The following PCDHA9 variants were observed in gnomAD, a reference collection of about 807,000 sequenced individuals.
PCDHA9 encodes the protein protocadherin alpha-9.
In PCDHA9, 62 loss-of-function variants were observed where a neutral mutation model predicts 62.0. That is an observed-to-expected ratio of 1.00 (90% CI 0.81 to 1.23). PCDHA9 has a LOEUF of 1.23. Among genes scored for constraint, PCDHA9 ranks in the 50% most tolerant of loss-of-function variants. The pLI is 0.00. For synonymous variants in PCDHA9, 557 were observed against 567.6 expected (o/e 0.98, Z 0.27); for missense variants, 1,205 against 1,249.8 (o/e 0.96, Z 0.54).
At chr5:140,924,675 A>G (rs2081950007) in intron 1 of PCDHA9, among the ~76,000 whole-genome samples, 1 of 152,152 alleles carries the variant, frequency 6.6e-6, no homozygotes, top group Non-Finnish European at 1.5e-5. Flanking sequence ...CAGGCCAATC[A>G]CTTGAGGTCA....
At chr5:140,928,337 AT>A (rs549164954) in intron 1 of PCDHA9, 7 of 1,613,944 alleles carry the variant, frequency 4.3e-6, no homozygotes, top group Non-Finnish European at 5.9e-6. Flanking sequence ...CTTGTCTCTT[AT>A]GAGCTGTTGG....
intron 1 of PCDHA9, chr5:140,860,872 G>C (rs923006368): frequency 1.3e-5 from 2 of 152,288 alleles, no homozygotes; most frequent in African/African-American, 4.8e-5. Context: ...GGAGTAGCTG[G>C]GACTACAGGT....
chr5:140,858,489 C>A, intron 1 of PCDHA9: 1 of 1,498,912 alleles, frequency 6.7e-7, no homozygotes, highest in Non-Finnish European at 9.1e-7. Flanking sequence ...AATATTTTCT[C>A]TTACCGCATT....
Position 140,850,281 on chromosome 5 carries a change from G to A in PCDHA9, c.1786G>A (p.Ala596Thr). 6.3e-7 allele frequency: 1 copy of A among 1,595,580 alleles called. No homozygotes were observed. Residue 596 changes from alanine (A) to threonine (T), a missense_variant, in exon 1 of 4, where the codon GCA (alanine) becomes ACA (threonine). Physicochemically the swap from Ala to Thr is moderately conservative, Grantham distance 58 (BLOSUM62 0). Coordinates refer to ENST00000532602, the MANE Select transcript of PCDHA9 (RefSeq NM_031857.2). The stretch of plus-strand genomic sequence containing the variant: ...CGGCGTAGTGGTGGGGAAGGTGCGC[G>A]CAGTGGACGCCGACTCGGGCTACAA... ...GAGVVVGKVR[A>T]VDADSGYNAW...
intron 1 of PCDHA9, among the ~76,000 whole-genome samples, chr5:140,953,785 T>C (rs2094935669): frequency 6.6e-6 from 1 of 152,224 alleles, no homozygotes. Context: ...TTTATTTTTT[T>C]CTTCAACTTT....
intron 1 of PCDHA9, among the ~76,000 whole-genome samples, chr5:140,900,607 C>T (rs1340239730): frequency 6.6e-6 from 1 of 152,170 alleles, no homozygotes; most frequent in Non-Finnish European, 1.5e-5. Context: ...TGATGATGGA[C>T]ATGTAGATTG....
rs782371814 is a variant in PCDHA9 at position 140,882,829 on chromosome 5, G to A, written c.2394+31940G>A. On this transcript the variant is annotated intron_variant, in intron 1 of 3. Transcript: ENST00000532602. Reference sequence around the variant, plus strand: ...CTTTGGACGCACAAAACAGTCTTGAGCAAATGTCTTCATTATCACTTGTAC... The same window carrying A: ...CTTTGGACGCACAAAACAGTCTTGAACAAATGTCTTCATTATCACTTGTAC... The A allele has an allele frequency of 5.6e-6, 9 of 1,614,206 alleles. No homozygotes were observed. The South Asian group carries it at 8.8e-5, about 16-fold the overall frequency.
chr5:140,896,242 C>T (rs1228427310), intron 1 of PCDHA9, among the ~76,000 whole-genome samples: 2 of 152,154 alleles, frequency 1.3e-5, no homozygotes, highest in Non-Finnish European at 2.9e-5. Flanking sequence ...GACTTATATT[C>T]CTTTGGTTAT....
At chr5:140,856,690 T>G (rs1368181199) in intron 1 of PCDHA9, 2 of 1,597,086 alleles carry the variant, frequency 1.3e-6, no homozygotes, top group African/African-American at 2.7e-5. Context: ...TGACAGCAAC[T>G]GATGGAGGCA....
At chr5:140,921,834 A>G (rs2080429595) in intron 1 of PCDHA9, among the ~76,000 whole-genome samples, 1 of 152,142 alleles carries the variant, frequency 6.6e-6, no homozygotes, top group Non-Finnish European at 1.5e-5. Context: ...ATACACATAT[A>G]GACATATTTA....
chr5:140,853,333 G>A (rs905529637), intron 1 of PCDHA9: 2 of 983,832 alleles, frequency 2.0e-6, no homozygotes, highest in Middle Eastern at 5.3e-4. Context: ...ATCTTTTGAG[G>A]TCATTAGCAA....
chr5:140,985,977 G>A (rs1341198195), intron 3 of PCDHA9, among the ~76,000 whole-genome samples: 3 of 151,932 alleles, frequency 2.0e-5, no homozygotes, highest in African/African-American at 7.3e-5. Flanking sequence ...CTGACCTCGT[G>A]ATCCGCCCAC....
intron 1 of PCDHA9, chr5:140,865,380 G>C (rs1429077853): frequency 6.6e-6 from 1 of 152,142 alleles, no homozygotes; most frequent in Non-Finnish European, 1.5e-5. Context: ...TTATAGGTAG[G>C]GTAAAGTTAA....
In PCDHA9 at chr5:140,857,752, C is replaced by T. The variant is rs7725388; in HGVS notation, c.2394+6863C>T. On this transcript the variant is annotated intron_variant, in intron 1 of 3. Coordinates refer to ENST00000532602, the MANE Select transcript of PCDHA9 (RefSeq NM_031857.2). ...ACGCTCCCGCGCTGCTGGCGTCTCCCGCTGGCAGCGCGGGCGGTGCAGTCA... is the reference window on the plus strand; with the variant it reads ...ACGCTCCCGCGCTGCTGGCGTCTCCTGCTGGCAGCGCGGGCGGTGCAGTCA... The T allele has an allele frequency of 7.5e-6, 12 of 1,597,052 alleles. 1 individual carries two copies. The highest frequency in any genetic ancestry group is 9.4e-6 in the Non-Finnish European group (11 of 1,167,514).
At chr5:140,927,639 G>T in intron 1 of PCDHA9, 11 of 1,614,194 alleles carry the variant, frequency 6.8e-6, no homozygotes, top group Non-Finnish European at 9.3e-6. Flanking sequence ...CACCCAATGG[G>T]ACTGTGTTAT....
In PCDHA9 at chr5:141,011,249, G is replaced by A. The variant is rs1159894108; in HGVS notation, c.*1312G>A. The A allele has an allele frequency of 6.5e-6, 1 of 153,682 alleles. No homozygotes were observed. The highest frequency in any genetic ancestry group is 1.5e-5 in the Non-Finnish European group (1 of 68,038). The allele number at this position is 153,682 out of a possible 1,614,324, so 9.5% of individuals were successfully genotyped here. On this transcript the variant is annotated 3_prime_UTR_variant, in exon 4 of 4. Coordinates refer to ENST00000532602, the MANE Select transcript of PCDHA9 (RefSeq NM_031857.2). ...TACTAATTCTGTGACTTGTCTTGGT[G>A]TGCTAGCCTACACCTTCTCTTTGGT... is the stretch of plus-strand genomic sequence containing the variant.
At chr5:140,969,994 CAGAG>C (rs1406079395) in intron 1 of PCDHA9, among the ~76,000 whole-genome samples, 2 of 152,032 alleles carry the variant, frequency 1.3e-5, no homozygotes, top group Non-Finnish European at 1.5e-5. Context: ...AGAGGGCTGT[CAGAG>C]GGAGTGGATG....
intron 1 of PCDHA9, chr5:140,854,248 G>A (rs781986027): frequency 3.2e-6 from 2 of 634,534 alleles, no homozygotes; most frequent in Non-Finnish European, 3.9e-6. Context: ...GTTATCACTT[G>A]GTATAAAATG....
chr5:140,979,359 T>C (rs1554240585), intron 2 of PCDHA9, among the ~76,000 whole-genome samples: 1 of 152,206 alleles, frequency 6.6e-6, no homozygotes, highest in Non-Finnish European at 1.5e-5. Context: ...TACTCATGCT[T>C]TGAGACTTGG....
Sources: gnomAD v4.1 joint callset for allele counts (sites outside exome capture counted in the v4.1 genomes callset) on GRCh38, gnomAD v4.1.1 for gene constraint, MANE v1.5 for transcripts, NCBI Gene and HGNC (gene_info 2026-07-23, HGNC 2026-07-21) for gene names.